Variants in MLIP observed in about 807,000 individuals in gnomAD.
The protein encoded by MLIP is muscular LMNA-interacting protein.
MLIP carries 79 observed loss-of-function variants against 84.8 expected under a neutral mutation model. That is an observed-to-expected ratio of 0.93 (90% CI 0.78 to 1.12). The LOEUF is 1.12. Ranked by LOEUF, MLIP falls within the 50% of genes most tolerant of loss-of-function variation. MLIP has a pLI of 0.00. For synonymous variants in MLIP, 504 were observed against 463.0 expected (o/e 1.09, Z -1.14); for missense variants, 1,257 against 1,160.6 (o/e 1.08, Z -1.21).
intron 11 of MLIP, among the ~76,000 whole-genome samples, chr6:54,203,064 ATTTGTTGTTCAT>A (rs1368931390): frequency 6.6e-6 from 1 of 152,098 alleles, no homozygotes; most frequent in Non-Finnish European, 1.5e-5. Context: ...CATATTTAGG[ATTTGTTGTTCAT>A]TTTGTTTATG....
rs969524472 is a variant in MLIP, at chr6:54,067,005, G to A, written c.63+47914G>A. On this transcript the variant is annotated intron_variant, in intron 1 of 12. Transcript: ENST00000274897. ...AAATCTACTTTCATTCCCATTTTGAGGCCATAAGAGTTATTTCCAAACTAA... is the reference window on the plus strand; with the variant it reads ...AAATCTACTTTCATTCCCATTTTGAAGCCATAAGAGTTATTTCCAAACTAA... 3.0e-5 allele frequency among the ~76,000 whole-genome samples: 3 copies of A among 100,824 alleles called. 1 individual carries two copies. Among genetic ancestry groups the A allele is most frequent in the Non-Finnish European group, 8.6e-5 (3 of 35,030 alleles). The allele number at this position is 100,824 out of a possible 152,430, so 66.1% of individuals were successfully genotyped here. A position where few individuals can be genotyped will look rare whatever the true frequency, so the allele number is the denominator to read the frequency against.
intron 1 of MLIP, among the ~76,000 whole-genome samples, chr6:54,105,875 G>T (rs905376322): frequency 2.6e-5 from 4 of 152,096 alleles, no homozygotes; most frequent in African/African-American, 9.7e-5. Context: ...AGAGTGGTAG[G>T]TGTAAGATCA....
At chr6:54,151,698 A>G (rs1321461234) in intron 5 of MLIP, among the ~76,000 whole-genome samples, 1 of 152,104 alleles carries the variant, frequency 6.6e-6, no homozygotes, top group Non-Finnish European at 1.5e-5. Context: ...TATTTCAACA[A>G]TTATCTCTCC....
chr6:54,218,717 T>C (rs921472027), intron 11 of MLIP, among the ~76,000 whole-genome samples: 2 of 151,966 alleles, frequency 1.3e-5, no homozygotes, highest in African/African-American at 4.8e-5. Context: ...GATTTTGCCA[T>C]GTTAGCAAGG....
At chr6:54,179,114 C>G (rs1776594034) in intron 9 of MLIP, among the ~76,000 whole-genome samples, 1 of 152,144 alleles carries the variant, frequency 6.6e-6, no homozygotes, top group Non-Finnish European at 1.5e-5. Flanking sequence ...TCATTATAGC[C>G]TTTTGCTGAA....
upstream of MLIP, among the ~76,000 whole-genome samples, chr6:54,110,677 C>A (rs1224616863): frequency 6.6e-6 from 1 of 152,146 alleles, no homozygotes; most frequent in African/African-American, 2.4e-5. Flanking sequence ...CCTTTGGATA[C>A]AACACTTTTC....
At chr6:54,032,422 C>T (rs1202627793) in intron 1 of MLIP, 1 of 152,152 alleles carries the variant, frequency 6.6e-6, no homozygotes, top group Non-Finnish European at 1.5e-5. Flanking sequence ...GGGGTAGCTT[C>T]TCCTCCATCA....
chr6:54,239,454 T>G (rs1389371089), intron 12 of MLIP, among the ~76,000 whole-genome samples: 2 of 150,310 alleles, frequency 1.3e-5, no homozygotes, highest in African/African-American at 2.4e-5. Flanking sequence ...TTTTGTTCTA[T>G]TTTTTGAAGA....
At chr6:54,125,527 T>G (rs748264980) in intron 3 of MLIP, among the ~76,000 whole-genome samples, 6 of 152,116 alleles carry the variant, frequency 3.9e-5, no homozygotes, top group Non-Finnish European at 7.4e-5. Flanking sequence ...CCCACATCTG[T>G]GATGGCAGGA....
chr6:54,127,757 T>A (rs1771045780), intron 3 of MLIP, among the ~76,000 whole-genome samples: 1 of 152,184 alleles, frequency 6.6e-6, no homozygotes, highest in Non-Finnish European at 1.5e-5. Context: ...TGAAGTGGCA[T>A]GTTTAAGTAA....
chr6:54,169,318 G>A (rs369394273), intron 8 of MLIP, among the ~76,000 whole-genome samples: 3 of 151,672 alleles, frequency 2.0e-5, no homozygotes, highest in Non-Finnish European at 4.4e-5. Context: ...CAATAAATAA[G>A]GAGAAATTAC....
At chr6:54,151,211 C>T (rs1375726172) in intron 5 of MLIP, among the ~76,000 whole-genome samples, 1 of 151,942 alleles carries the variant, frequency 6.6e-6, no homozygotes. Context: ...TTTCTGCTGG[C>T]TTTCCCATGT....
chr6:54,058,154 A>AC (rs940521795), intron 1 of MLIP, among the ~76,000 whole-genome samples: 154 of 151,554 alleles, frequency 1.0e-3, no homozygotes, highest in Non-Finnish European at 1.9e-3. Flanking sequence ...GAATAGAAAA[A>AC]AAACATGTAG....
intron 4 of MLIP, among the ~76,000 whole-genome samples, chr6:54,141,570 G>T (rs940514998): frequency 2.0e-5 from 3 of 152,126 alleles, no homozygotes; most frequent in African/African-American, 7.2e-5. Flanking sequence ...GCATCCCAAA[G>T]TGCTGGGATT....
At chr6:54,259,625 G>A (rs1783251102) in intron 13 of MLIP, among the ~76,000 whole-genome samples, 1 of 151,718 alleles carries the variant, frequency 6.6e-6, no homozygotes, top group South Asian at 2.1e-4. Context: ...TTAAGATAGT[G>A]GATAAGATTG....
At chr6:54,087,684 T>C (rs1455719239) in intron 1 of MLIP, among the ~76,000 whole-genome samples, 2 of 152,158 alleles carry the variant, frequency 1.3e-5, no homozygotes, top group African/African-American at 4.8e-5. Context: ...TGGACCTGCA[T>C]GGGTTGTGAG....
intron 12 of MLIP, among the ~76,000 whole-genome samples, chr6:54,254,702 A>C (rs1188396006): frequency 1.3e-5 from 2 of 151,500 alleles, no homozygotes; most frequent in East Asian, 2.0e-4. Context: ...GTATTTTCTG[A>C]GATCATATTT....
At chr6:54,245,692 G>A (rs1782031373) in intron 12 of MLIP, among the ~76,000 whole-genome samples, 1 of 151,630 alleles carries the variant, frequency 6.6e-6, no homozygotes, top group Non-Finnish European at 1.5e-5. Context: ...GTTTCTTTAG[G>A]TTGCACCACA....
intron 3 of MLIP, among the ~76,000 whole-genome samples, chr6:54,135,176 A>T (rs1467529616): frequency 6.6e-6 from 1 of 152,148 alleles, no homozygotes; most frequent in Non-Finnish European, 1.5e-5. Context: ...CATCAGTTAC[A>T]TAAACATTGG....
Sources: gnomAD v4.1 joint callset for allele counts (sites outside exome capture counted in the v4.1 genomes callset) on GRCh38, gnomAD v4.1.1 for gene constraint, MANE v1.5 for transcripts, NCBI Gene and HGNC (gene_info 2026-07-23, HGNC 2026-07-21) for gene names.